SRRM4: variants seen among roughly 807,000 people sequenced by gnomAD.
SRRM4 encodes serine/arginine repetitive matrix protein 4.
SRRM4 carries 33 observed loss-of-function variants against 68.9 expected under a neutral mutation model. The observed-to-expected ratio is 0.48, with a 90% CI of 0.36 to 0.64. The LOEUF (loss-of-function observed/expected upper bound fraction) is 0.64, where lower values mean the gene tolerates loss of function less well. Ranked by LOEUF, SRRM4 falls within the 30% of genes least tolerant of loss-of-function variation. The pLI is 0.00. For synonymous variants in SRRM4, 318 were observed against 318.8 expected (o/e 1.00, Z 0.03); for missense variants, 817 against 827.1 (o/e 0.99, Z 0.15).
Position 119,145,676 on chromosome 12 carries a change from G to A in SRRM4, c.1067G>A (p.Arg356Lys). Reference sequence around the variant, plus strand: ...AATCTCTCCCCCACCAGCAGGGGCAGAGAGTCAAGGTCAGTGCACCACACA... The same window carrying A: ...AATCTCTCCCCCACCAGCAGGGGCAAAGAGTCAAGGTCAGTGCACCACACA... ...LENLSPTSRG[R>K]ESRGFQSPCL... Residue 356 changes from arginine (R) to lysine (K), a missense_variant, in exon 9 of 13, where the codon AGA becomes AAA. Arg to Lys is a conservative substitution (Grantham distance 26). Transcript: ENST00000267260. The A allele has an allele frequency of 6.6e-7, 1 of 1,521,236 alleles. No homozygotes were observed. The highest frequency in any genetic ancestry group is 8.8e-7 in the Non-Finnish European group (1 of 1,135,428). 94.2% of individuals were successfully genotyped at this position (1,521,236 alleles called of 1,614,324 possible).
chr12:118,984,962 C>G (rs991743841), intron 1 of SRRM4, among the ~76,000 whole-genome samples: 3 of 152,202 alleles, frequency 2.0e-5, no homozygotes, highest in African/African-American at 7.2e-5. Flanking sequence ...ACAGTAACCC[C>G]TCAGACAACA....
chr12:119,025,831 A>G (rs948445775), intron 1 of SRRM4, among the ~76,000 whole-genome samples: 2 of 152,040 alleles, frequency 1.3e-5, no homozygotes, highest in Non-Finnish European at 2.9e-5. Context: ...AAATGATCAG[A>G]CCTTGAGCCA....
Position 118,981,718 on chromosome 12 carries a change from G to A in SRRM4, c.-165G>A, listed in dbSNP as rs1289387930. 9 of 726,944 alleles carry A rather than the reference G, an allele frequency of 1.2e-5. No homozygotes were observed. Among genetic ancestry groups the A allele is most frequent in the African/African-American group, 1.8e-5 (1 of 55,742 alleles). The allele number at this position is 726,944 out of a possible 1,614,324, so 45.0% of individuals were successfully genotyped here. A position where few individuals can be genotyped will look rare whatever the true frequency, so the allele number is the denominator to read the frequency against. On this transcript the variant is annotated 5_prime_UTR_variant, in exon 1 of 13. Coordinates refer to ENST00000267260, the MANE Select transcript of SRRM4 (RefSeq NM_194286.4). ...AGCCTCCTTTCTCTGCTGCCTGCCC[G>A]GGCTGGGGCGTCCCATCCCCCGCCC...
intron 1 of SRRM4, among the ~76,000 whole-genome samples, chr12:119,050,098 C>A (rs1953732958): frequency 6.6e-6 from 1 of 152,094 alleles, no homozygotes; most frequent in African/African-American, 2.4e-5. Context: ...TTGTCTGGGC[C>A]AATCGTGCAC....
intron 1 of SRRM4, among the ~76,000 whole-genome samples, chr12:119,020,239 C>T: frequency 6.6e-6 from 1 of 152,048 alleles, no homozygotes; most frequent in African/African-American, 2.4e-5. Context: ...CCCTGAAGCC[C>T]AGAAGGGGGA....
At chr12:119,069,423 G>A (rs902566482) in intron 1 of SRRM4, among the ~76,000 whole-genome samples, 4 of 152,164 alleles carry the variant, frequency 2.6e-5, no homozygotes, top group Non-Finnish European at 5.9e-5. Flanking sequence ...TTGGGAGGCC[G>A]TGGATTTAGA....
At chr12:119,145,313 C>A in intron 8 of SRRM4, 68 bp from the exon 9 acceptor site, 2 of 1,343,680 alleles carry the variant, frequency 1.5e-6, no homozygotes, top group Non-Finnish European at 2.0e-6. Context: ...GTAAACATTT[C>A]TTGGTTATTT....
chr12:119,117,098 A>C, intron 4 of SRRM4, 90 bp downstream of exon 4: 2 of 1,004,868 alleles, frequency 2.0e-6, no homozygotes, highest in Non-Finnish European at 3.1e-6. Context: ...GAAGCATATC[A>C]TGTCATTTAT....
At chr12:119,114,102 C>T (rs1954162032) in intron 2 of SRRM4, 176 bp from the exon 3 acceptor site, 1 of 520,644 alleles carries the variant, frequency 1.9e-6, no homozygotes, top group African/African-American at 1.9e-5. Flanking sequence ...GGCATTAAGT[C>T]CTTATTTAGG....
At chr12:118,987,383 T>A (rs1477797539) in intron 1 of SRRM4, among the ~76,000 whole-genome samples, 1 of 152,136 alleles carries the variant, frequency 6.6e-6, no homozygotes, top group Non-Finnish European at 1.5e-5. Flanking sequence ...TGTTCAGTAG[T>A]GATGCTTGGG....
chr12:119,146,731 T>C (rs1017229759), intron 9 of SRRM4, among the ~76,000 whole-genome samples: 3 of 152,028 alleles, frequency 2.0e-5, no homozygotes, highest in South Asian at 2.1e-4. Context: ...GGTCAGGAGA[T>C]CGAGACCATC....
intron 1 of SRRM4, among the ~76,000 whole-genome samples, chr12:119,021,027 G>A (rs1953513100): frequency 1.3e-5 from 2 of 152,134 alleles, no homozygotes; most frequent in South Asian, 4.1e-4. Flanking sequence ...GACTTGACCT[G>A]TGATTCCTCT....
intron 1 of SRRM4, among the ~76,000 whole-genome samples, chr12:119,093,136 T>A (rs1954023912): frequency 6.6e-6 from 1 of 151,790 alleles, no homozygotes; most frequent in Admixed American, 6.6e-5. Flanking sequence ...GCAGTAGTAT[T>A]CCATCTCCCC....
Position 119,038,304 on chromosome 12 carries a change from C to A in SRRM4, c.131+56291C>A, listed in dbSNP as rs555502760. Among the ~76,000 whole-genome samples, 6 of 152,046 alleles carry A rather than the reference C, an allele frequency of 3.9e-5. No homozygotes were observed. In the South Asian group the frequency reaches 1.2e-3, roughly 32 times the overall value. On this transcript the variant is annotated intron_variant, in intron 1 of 12. Transcript: ENST00000267260. ...ACGGCTCACTGCAAGCTCCGCCTTC[C>A]GGGTTCATGCCATTCTCCTGCCTCA...
chr12:119,100,179 C>T (rs1366351641), intron 1 of SRRM4, among the ~76,000 whole-genome samples: 2 of 151,910 alleles, frequency 1.3e-5, no homozygotes, highest in African/African-American at 4.8e-5. Context: ...CTGTATGCTG[C>T]TTTAGTCACA....
At chr12:119,151,801 G>T (rs552613439) in intron 10 of SRRM4, among the ~76,000 whole-genome samples, 11 of 152,274 alleles carry the variant, frequency 7.2e-5, no homozygotes, top group Admixed American at 2.0e-4. Flanking sequence ...TTGTTCACAT[G>T]GTGATGGCAG....
At position 119,154,533 on chromosome 12, in the gene SRRM4, A is replaced by G; in HGVS notation, c.1532+150A>G. ...GTCCCCCCAACCCCAACATCATTGA[A>G]ATTACGTGTCTGTTCAAAGCCTTGG... On this transcript the variant is annotated intron_variant, in intron 12 of 12. Coordinates refer to ENST00000267260, the MANE Select transcript of SRRM4 (RefSeq NM_194286.4). This position sits in a 1 kb window ranked among gnomAD's most constrained non-coding sequence, Gnocchi z 4.7. 1.1e-6 allele frequency: 1 copy of G among 880,914 alleles called. No individual in the cohort carries two copies. The allele number at this position is 880,914 out of a possible 1,614,324, so 54.6% of individuals were successfully genotyped here. A position where few individuals can be genotyped will look rare whatever the true frequency, so the allele number is the denominator to read the frequency against.
rs12822064 is a variant in SRRM4, at chr12:119,105,880, T to A, written c.278+3498T>A. On this transcript the variant is annotated intron_variant, in intron 2 of 12. Coordinates refer to ENST00000267260, the MANE Select transcript of SRRM4 (RefSeq NM_194286.4). The stretch of plus-strand genomic sequence containing the variant: ...GTTGCCATTGCTTTTGGTGTTTTAG[T>A]CATGAAGTCCTTGCCCATGCCTATG... Among the ~76,000 whole-genome samples the A allele has an allele frequency of 3.3e-5, 5 of 152,212 alleles. No individual in the cohort carries two copies. The South Asian group carries it at 1.0e-3, about 32-fold the overall frequency.
chr12:119,155,033 T>C (rs1411344246), intron 12 of SRRM4, among the ~76,000 whole-genome samples: 1 of 152,110 alleles, frequency 6.6e-6, no homozygotes, highest in African/African-American at 2.4e-5. Context: ...TTCTCACCCA[T>C]GAGATATTGG....
Sources: allele counts gnomAD v4.1 joint callset (sites outside exome capture counted in the v4.1 genomes callset), GRCh38; gene constraint gnomAD v4.1.1; non-coding constraint Gnocchi (gnomAD v3.1); transcripts MANE v1.5; gene names NCBI Gene and HGNC (gene_info 2026-07-23, HGNC 2026-07-21).